The following IPO7 variants were observed in gnomAD, a reference collection of about 807,000 sequenced individuals.
The protein encoded by IPO7 is importin-7.
A neutral mutation model predicts 136.4 loss-of-function variants in IPO7; 13 were observed. The observed-to-expected ratio is 0.10, with a 90% CI of 0.06 to 0.15. The LOEUF is 0.15. Among genes scored for constraint, IPO7 ranks in the 10% least tolerant of loss-of-function variants. The probability of loss-of-function intolerance (pLI) is 1.00; values close to 1 mark genes in which losing one functional copy is unlikely to be tolerated. For synonymous variants in IPO7, 403 were observed against 404.4 expected (o/e 1.00, Z 0.04); for missense variants, 857 against 1,240.6 (o/e 0.69, Z 4.65).
Position 9,445,552 on chromosome 11 carries a change from G to A in IPO7, c.*358G>A, listed in dbSNP as rs1855516748. 5.6e-6 allele frequency: 1 copy of A among 178,542 alleles called. No individual in the cohort carries two copies. Among genetic ancestry groups the A allele is most frequent in the Non-Finnish European group, 1.2e-5 (1 of 83,750 alleles). The allele number at this position is 178,542 out of a possible 1,614,324, so 11.1% of individuals were successfully genotyped here. A position where few individuals can be genotyped will look rare whatever the true frequency, so the allele number is the denominator to read the frequency against. ...GAGGAAAAAATAGGCATGGGCTACA[G>A]GACTATTTAAAATGTCTCATTTACA... On this transcript the variant is annotated 3_prime_UTR_variant, in exon 25 of 25. Coordinates refer to ENST00000379719, the MANE Select transcript of IPO7 (RefSeq NM_006391.3).
At chr11:9,397,161 C>A (rs1854719939) in intron 1 of IPO7, among the ~76,000 whole-genome samples, 1 of 149,172 alleles carries the variant, frequency 6.7e-6, no homozygotes, top group African/African-American at 2.5e-5. Flanking sequence ...GCTTTGCTGC[C>A]CAGGCTGGAG....
At chr11:9,397,341 A>AAAAAAAAAAAAAAAAAAAAATATAT in intron 1 of IPO7, among the ~76,000 whole-genome samples, 15 of 10,752 alleles carry the variant, frequency 1.4e-3, no homozygotes, top group Non-Finnish European at 2.8e-3. Flanking sequence ...TTTAAAAAAA[A>AAAAAAAAAAAAAAAAAAAAATATAT]ATATATATAT....
intron 4 of IPO7, among the ~76,000 whole-genome samples, chr11:9,413,704 C>G (rs1056102480): frequency 2.0e-5 from 3 of 151,184 alleles, no homozygotes; most frequent in Non-Finnish European, 4.4e-5. Flanking sequence ...TCAGAAAATA[C>G]TGGATAATCT....
At chr11:9,401,961 T>A (rs1203492668) in intron 1 of IPO7, among the ~76,000 whole-genome samples, 1 of 152,210 alleles carries the variant, frequency 6.6e-6, no homozygotes, top group Non-Finnish European at 1.5e-5. Context: ...AGAGCCACCA[T>A]GCCTGGACTA....
intron 6 of IPO7, among the ~76,000 whole-genome samples, chr11:9,418,769 A>G (rs1855079975): frequency 6.6e-6 from 1 of 152,170 alleles, no homozygotes; most frequent in South Asian, 2.1e-4. Flanking sequence ...TTATGTACCC[A>G]TGTAGCCATC....
At chr11:9,397,341 A>AAAAAAAAAAAATATAT in intron 1 of IPO7, among the ~76,000 whole-genome samples, 17 of 10,762 alleles carry the variant, frequency 1.6e-3, no homozygotes, top group Admixed American at 4.2e-3. Context: ...TTTAAAAAAA[A>AAAAAAAAAAAATATAT]ATATATATAT....
intron 22 of IPO7, among the ~76,000 whole-genome samples, chr11:9,439,721 G>A (rs1214195571): frequency 2.1e-5 from 3 of 143,140 alleles, no homozygotes; most frequent in South Asian, 2.3e-4. Flanking sequence ...GATTACAGGC[G>A]TGTGCCACCA....
intron 1 of IPO7, among the ~76,000 whole-genome samples, chr11:9,397,341 A>AAAAAAAAAAAAAAAAAATAT: frequency 9.3e-5 from 1 of 10,760 alleles, no homozygotes; most frequent in Non-Finnish European, 1.8e-4. Context: ...TTTAAAAAAA[A>AAAAAAAAAAAAAAAAAATAT]ATATATATAT....
At chr11:9,416,909 A>G (rs1855049103) in intron 5 of IPO7, 150 bp from the exon 6 acceptor site, 1 of 452,426 alleles carries the variant, frequency 2.2e-6, no homozygotes, top group African/African-American at 2.0e-5. Flanking sequence ...GTTTACCATT[A>G]TAGATAACAA....
At chr11:9,441,452 T>C (rs1163134517) in intron 23 of IPO7, among the ~76,000 whole-genome samples, 1 of 152,220 alleles carries the variant, frequency 6.6e-6, no homozygotes, top group East Asian at 1.9e-4. Context: ...TATATATCAT[T>C]TCCTATGCAC....
chr11:9,443,231 G>A (rs1170642542), intron 24 of IPO7, among the ~76,000 whole-genome samples: 1 of 151,732 alleles, frequency 6.6e-6, no homozygotes, highest in East Asian at 1.9e-4. Flanking sequence ...TACAGTTGAA[G>A]ACTACTTTCA....
intron 1 of IPO7, among the ~76,000 whole-genome samples, chr11:9,393,541 C>T (rs531521004): frequency 2.6e-4 from 40 of 152,110 alleles, no homozygotes; most frequent in Non-Finnish European, 4.9e-4. Flanking sequence ...CCACCACGTC[C>T]GGCTAATTTT....
At chr11:9,433,923 C>CTTTTT in intron 18 of IPO7, 77 bp downstream of exon 18, 5 of 1,042,078 alleles carry the variant, frequency 4.8e-6, no homozygotes, top group South Asian at 1.8e-5. Context: ...TGAACATACA[C>CTTTTT]TTTTTTTTTT....
chr11:9,438,259 A>G lies in IPO7; in HGVS notation c.2669A>G (p.Asp890Gly). 1.9e-6 allele frequency: 3 copies of G among 1,578,746 alleles called. No individual in the cohort carries two copies. The East Asian group carries it at 6.7e-5, about 35-fold the overall frequency. The change falls in exon 22 of 25, where the codon GAT becomes GGT. Residue 890 changes from aspartate to glycine, a missense_variant. By Grantham distance (94) the Asp-to-Gly change is moderately conservative. This residue lies in a region of IPO7 where 119 missense variants were observed against 155.5 expected (regional missense o/e 0.77). Transcript: ENST00000379719. ...CATGAGAATGACAGTGATGATGATG[A>G]TGAAGCTGAAGATGATGATGAAACC... ...AEHENDSDDDDEAEDDDETEE... is the reference protein window; with the variant it reads ...AEHENDSDDDGEAEDDDETEE...
At chr11:9,430,204 G>A (rs912065122) in intron 15 of IPO7, among the ~76,000 whole-genome samples, 1 of 152,102 alleles carries the variant, frequency 6.6e-6, no homozygotes, top group Non-Finnish European at 1.5e-5. Context: ...CTGGAGACTG[G>A]GGACCCCTGC....
At chr11:9,417,717 T>C (rs1855061069) in intron 6 of IPO7, among the ~76,000 whole-genome samples, 1 of 146,420 alleles carries the variant, frequency 6.8e-6, no homozygotes, top group Non-Finnish European at 1.5e-5. Flanking sequence ...TCTTTTTTCT[T>C]TTTTTTTTTT....
At chr11:9,429,922 C>G in intron 15 of IPO7, 88 bp downstream of exon 15, 3 of 930,442 alleles carry the variant, frequency 3.2e-6, no homozygotes, top group Non-Finnish European at 4.7e-6. Flanking sequence ...CTTGCCTTAC[C>G]TTATAGCAGT....
At chr11:9,413,504 A>G (rs777304728) in intron 4 of IPO7, among the ~76,000 whole-genome samples, 3 of 151,866 alleles carry the variant, frequency 2.0e-5, no homozygotes, top group Non-Finnish European at 4.4e-5. Flanking sequence ...TATAATTTAT[A>G]CAAATATTTA....
chr11:9,400,786 T>A (rs1854783069), intron 1 of IPO7, among the ~76,000 whole-genome samples: 2 of 152,274 alleles, frequency 1.3e-5, no homozygotes, highest in African/African-American at 4.8e-5. Flanking sequence ...TGAAATAATT[T>A]TTTACATTCA....
Sources: allele counts gnomAD v4.1 joint callset (sites outside exome capture counted in the v4.1 genomes callset), GRCh38; gene constraint gnomAD v4.1.1; regional missense constraint gnomAD v4.1.1; transcripts MANE v1.5; gene names NCBI Gene and HGNC (gene_info 2026-07-23, HGNC 2026-07-21).